Variants in RGS14 observed in about 807,000 individuals in gnomAD.
RGS14 encodes the protein regulator of G-protein signaling 14.
A neutral mutation model predicts 63.8 loss-of-function variants in RGS14; 33 were observed. That is an observed-to-expected ratio of 0.52 (90% CI 0.39 to 0.69). The LOEUF is 0.69. Among genes scored for constraint, RGS14 ranks in the 30% least tolerant of loss-of-function variants. The pLI, the probability that RGS14 is intolerant of heterozygous loss-of-function variation, is 0.00. For synonymous variants in RGS14, 296 were observed against 320.9 expected (o/e 0.92, Z 0.83); for missense variants, 739 against 742.9 (o/e 0.99, Z 0.06).
At chr5:177,366,826 A>C (rs1444476080) in intron 4 of RGS14, 26 bp downstream of exon 4, 1 of 1,613,834 alleles carries the variant, frequency 6.2e-7, no homozygotes, top group East Asian at 2.2e-5. Context: ...GCTGGGGCCG[A>C]GGGCTGGGGA....
chr5:177,362,750 C>T (rs958614211), intron 1 of RGS14, among the ~76,000 whole-genome samples: 5 of 152,072 alleles, frequency 3.3e-5, no homozygotes, highest in African/African-American at 1.2e-4. Flanking sequence ...AACCTGGCAA[C>T]CGCAACGTGC....
In RGS14 at chr5:177,371,802, A is replaced by G. The variant is rs1762277762; in HGVS notation, c.1499-71A>G. 6.8e-7 allele frequency: 1 copy of G among 1,481,300 alleles called. No homozygotes were observed. The highest frequency in any genetic ancestry group is 1.2e-5 in the South Asian group (1 of 82,406). 91.8% of individuals were successfully genotyped at this position (1,481,300 alleles called of 1,614,324 possible). A position where few individuals can be genotyped will look rare whatever the true frequency, so the allele number is the denominator to read the frequency against. On this transcript the variant is annotated intron_variant, in intron 14 of 14. Coordinates refer to ENST00000408923, the MANE Select transcript of RGS14 (RefSeq NM_006480.5). The surrounding 1 kb of genome is among the most constrained non-coding windows in gnomAD (Gnocchi z 6.1). ...AGGGAGGCAGTGGCCACAGTAAGGC[A>G]GTGGGACTATCGTGGGCTGGCATAT...
chr5:177,362,816 G>T (rs1761998563), intron 1 of RGS14, among the ~76,000 whole-genome samples: 2 of 152,172 alleles, frequency 1.3e-5, no homozygotes, highest in Admixed American at 1.3e-4. Context: ...TGGGGCCTGG[G>T]GAGGATCTAG....
chr5:177,362,911 G>A (rs1295835739), intron 1 of RGS14, among the ~76,000 whole-genome samples: 1 of 152,200 alleles, frequency 6.6e-6, no homozygotes, highest in Non-Finnish European at 1.5e-5. Flanking sequence ...AGTGCTGGCT[G>A]GCGCCAGCTC....
rs530428563 is a variant in RGS14 at position 177,368,648 on chromosome 5, T to C, written c.850-69T>C. 1.6e-5 allele frequency: 24 copies of C among 1,513,860 alleles called. No individual in the cohort carries two copies. The South Asian group carries it at 2.5e-4, about 16-fold the overall frequency. 93.8% of individuals were successfully genotyped at this position (1,513,860 alleles called of 1,614,324 possible). On this transcript the variant is annotated intron_variant, in intron 8 of 14. Coordinates refer to ENST00000408923, the MANE Select transcript of RGS14 (RefSeq NM_006480.5). ...GCTTGAGCCCCAGCAAGCTTACCTATCTCTGTGTACCTGTGTGCATGCCCT... is the reference window on the plus strand; with the variant it reads ...GCTTGAGCCCCAGCAAGCTTACCTACCTCTGTGTACCTGTGTGCATGCCCT...
rs1762053808 is a variant in RGS14, at chr5:177,364,827, A to T, written c.46-1136A>T. On this transcript the variant is annotated intron_variant, in intron 1 of 14. Coordinates refer to ENST00000408923, the MANE Select transcript of RGS14 (RefSeq NM_006480.5). The surrounding 1 kb of genome is among the most constrained non-coding windows in gnomAD (Gnocchi z 4.6). ...AAACCAGAGTTGTGCACTGGGGGCA[A>T]GGATGGAGTTAGTTACTGCAGCAGT... 6.6e-6 allele frequency among the ~76,000 whole-genome samples: 1 copy of T among 152,172 alleles called. No individual in the cohort carries two copies. Among genetic ancestry groups the T allele is most frequent in the Non-Finnish European group, 1.5e-5 (1 of 68,028 alleles).
intron 3 of RGS14, 31 bp downstream of exon 3, chr5:177,366,386 G>T (rs993328269): frequency 1.3e-6 from 2 of 1,514,190 alleles, no homozygotes; most frequent in Non-Finnish European, 1.8e-6. Context: ...GGGAAGGGGG[G>T]ACACGGGAGA....
intron 1 of RGS14, among the ~76,000 whole-genome samples, chr5:177,361,951 G>T (rs1490384567): frequency 6.6e-6 from 1 of 152,128 alleles, no homozygotes; most frequent in African/African-American, 2.4e-5. Context: ...AACTTCCCCA[G>T]GCCCTGCAGT....
At chr5:177,370,717 C>G (rs115151428) in intron 10 of RGS14, 53 bp downstream of exon 10, 2 of 1,584,622 alleles carry the variant, frequency 1.3e-6, no homozygotes, top group Admixed American at 1.7e-5. Context: ...TCCCTTCAGG[C>G]CCTGTTCTAG....
chr5:177,368,584 G>T, intron 8 of RGS14, 133 bp from the exon 9 acceptor site: 1 of 880,540 alleles, frequency 1.1e-6, no homozygotes. Flanking sequence ...GTTCCTGCAG[G>T]AGGACGTATC....
Position 177,363,659 on chromosome 5 carries a change from TTATA to T in RGS14, c.46-2298_46-2295del, listed in dbSNP as rs375412319. On this transcript the variant is annotated intron_variant, in intron 1 of 14. Transcript: ENST00000408923. ...CACGCCCGATAGTGTTCTGAGTTCTTTATATATATTTCACTCATTTAATCGCACC... is the reference window on the plus strand; with the variant it reads ...CACGCCCGATAGTGTTCTGAGTTCTTTATATTTCACTCATTTAATCGCACC... 1.4e-3 allele frequency among the ~76,000 whole-genome samples: 211 copies of T among 152,284 alleles called. 4 individuals are homozygous for T. The highest frequency in any genetic ancestry group is 4.9e-3 in the African/African-American group (202 of 41,572).
Position 177,366,741 on chromosome 5 carries a change from G to C in RGS14, c.280G>C (p.Val94Leu). 1 of 1,614,116 alleles carries C rather than the reference G, an allele frequency of 6.2e-7. No individual in the cohort carries two copies. The highest frequency in any genetic ancestry group is 8.5e-7 in the Non-Finnish European group (1 of 1,180,028). Residue 94 changes from valine (V) to leucine (L), a missense_variant, in exon 4 of 15, where the codon GTG becomes CTG. Coordinates refer to ENST00000408923, the MANE Select transcript of RGS14 (RefSeq NM_006480.5). ...FLKKEFSAEN[V>L]TFWKACERFQ... Reference sequence around the variant, plus strand: ...GAAGAAGGAGTTCAGCGCGGAAAACGTGACTTTCTGGAAGGCCTGCGAGCG... The same window carrying C: ...GAAGAAGGAGTTCAGCGCGGAAAACCTGACTTTCTGGAAGGCCTGCGAGCG...
chr5:177,366,111 G>C (rs1490414491), intron 2 of RGS14, 66 bp from the exon 3 acceptor site: 7 of 1,603,154 alleles, frequency 4.4e-6, no homozygotes, highest in Non-Finnish European at 6.0e-6. Flanking sequence ...GCATGGGGGA[G>C]GGTGGGTTGT....
Position 177,366,723 on chromosome 5 carries a change from G to A in RGS14, c.262G>A (p.Glu88Lys). The part of the protein sequence containing the change: ...LAYFTEFLKK[E>K]FSAENVTFWK... ...CCCCTCCCAGGAGTTCCTGAAGAAGGAGTTCAGCGCGGAAAACGTGACTTT... is the reference window on the plus strand; with the variant it reads ...CCCCTCCCAGGAGTTCCTGAAGAAGAAGTTCAGCGCGGAAAACGTGACTTT... Residue 88 changes from glutamate (E) to lysine (K), a missense_variant, in exon 4 of 15, where the codon GAG (glutamate) becomes AAG (lysine). Transcript: ENST00000408923. The A allele has an allele frequency of 6.2e-7, 1 of 1,614,118 alleles. No homozygotes were observed. Among genetic ancestry groups the A allele is most frequent in the Non-Finnish European group, 8.5e-7 (1 of 1,180,030 alleles).
Position 177,366,315 on chromosome 5 carries a change from A to G in RGS14, c.206A>G (p.Glu69Gly). ...QPVASWALSF[E>G]RLLQDPLGLA... ...GTGGCCAGCTGGGCCCTGTCCTTCG[A>G]GCGGCTGTTGCAGGACCCGCTGGGC... The change falls in exon 3 of 15, where the codon GAG (glutamate) becomes GGG (glycine). Residue 69 changes from glutamate to glycine, a missense_variant. Physicochemically the swap from Glu to Gly is moderately conservative, Grantham distance 98 (BLOSUM62 -2). Coordinates refer to ENST00000408923, the MANE Select transcript of RGS14 (RefSeq NM_006480.5). The G allele has an allele frequency of 6.4e-7, 1 of 1,553,758 alleles. No individual in the cohort carries two copies. Among genetic ancestry groups the G allele is most frequent in the Non-Finnish European group, 8.7e-7 (1 of 1,149,462 alleles).
intron 7 of RGS14, 75 bp from the exon 8 acceptor site, chr5:177,368,082 C>T: frequency 6.4e-7 from 1 of 1,560,448 alleles, no homozygotes; most frequent in Non-Finnish European, 8.7e-7. Context: ...CAAGGCCCAC[C>T]AGTGGGGAAC....
At position 177,368,131 on chromosome 5, in the gene RGS14, C is replaced by A. The variant is rs367781150; in HGVS notation, c.740-26C>A. The A allele has an allele frequency of 2.2e-5, 36 of 1,606,976 alleles. No homozygotes were observed. The African/African-American group carries it at 4.7e-4, about 21-fold the overall frequency. On this transcript the variant is annotated intron_variant, in intron 7 of 14. Coordinates refer to ENST00000408923, the MANE Select transcript of RGS14 (RefSeq NM_006480.5). ...GGATGGGTGAGGGCGGGGGGCTGTT[C>A]GCGTTCATCGCTCCCTCTTCACTAG...
Position 177,366,204 on chromosome 5 carries a change from G to A in RGS14, c.95G>A (p.Gly32Asp). Residue 32 changes from glycine (G) to aspartate (D), a missense_variant, in exon 3 of 15, where the codon GGC (glycine) becomes GAC (aspartate). Coordinates refer to ENST00000408923, the MANE Select transcript of RGS14 (RefSeq NM_006480.5). The stretch of plus-strand genomic sequence containing the variant: ...CTGAGCAGCACGACGGGGCCCCAGG[G>A]CCAGGGCGAGGGCCGCGGCAGCTCT... Reference protein sequence around the residue: ...GELSSTTGPQGQGEGRGSSLS... With the variant: ...GELSSTTGPQDQGEGRGSSLS... 1 of 1,609,150 alleles carries A rather than the reference G, an allele frequency of 6.2e-7. No homozygotes were observed. The highest frequency in any genetic ancestry group is 8.5e-7 in the Non-Finnish European group (1 of 1,178,708).
Position 177,365,344 on chromosome 5 carries a change from A to G in RGS14, c.46-619A>G, listed in dbSNP as rs564348041. Among the ~76,000 whole-genome samples the G allele has an allele frequency of 2.7e-5, 4 of 150,642 alleles. No individual in the cohort carries two copies. The East Asian group carries it at 7.8e-4, about 29-fold the overall frequency. ...AGTAGCTGGGATTACAGGCATCCAC[A>G]ACCACATCCAGCTAATTTTTTTTTT... is the stretch of plus-strand genomic sequence containing the variant. On this transcript the variant is annotated intron_variant, in intron 1 of 14. Coordinates refer to ENST00000408923, the MANE Select transcript of RGS14 (RefSeq NM_006480.5).
Sources: gnomAD v4.1 joint callset for allele counts (sites outside exome capture counted in the v4.1 genomes callset) on GRCh38, gnomAD v4.1.1 for gene constraint, Gnocchi (gnomAD v3.1) non-coding constraint, MANE v1.5 for transcripts, NCBI Gene and HGNC (gene_info 2026-07-23, HGNC 2026-07-21) for gene names.